The following ENTREP1 variants were observed in gnomAD, a reference collection of about 807,000 sequenced individuals.
ENTREP1 encodes the protein Friedreich ataxia region gene X123.
chr9:69,377,541 T>G, the ENTREP1 span: 2 of 1,610,594 alleles, frequency 1.2e-6, no homozygotes, highest in South Asian at 2.2e-5. Flanking sequence ...CCCCTTCGTG[T>G]CATCCACTGC....
chr9:69,362,767 C>T, the ENTREP1 span, among the ~76,000 whole-genome samples: 16 of 152,056 alleles, frequency 1.1e-4, no homozygotes, highest in African/African-American at 2.9e-4. Context: ...TCGCTGCCAA[C>T]GAATAGAAAG....
At chr9:69,383,754 G>T in the ENTREP1 span, 4 of 1,614,014 alleles carry the variant, frequency 2.5e-6, no homozygotes, top group Non-Finnish European at 2.5e-6. Flanking sequence ...GATGGACCAG[G>T]AGCAGGTACT....
the ENTREP1 span, among the ~76,000 whole-genome samples, chr9:69,362,333 TG>T: frequency 6.6e-6 from 1 of 152,142 alleles, no homozygotes; most frequent in Non-Finnish European, 1.5e-5. Context: ...ATAGGCAAAT[TG>T]AAGGTGATGT....
At chr9:69,391,720 GC>G in the ENTREP1 span, 1 of 1,613,312 alleles carries the variant, frequency 6.2e-7, no homozygotes, top group Admixed American at 1.7e-5. Flanking sequence ...CAGCGGGGAG[GC>G]CCCGAGCCGA....
At chr9:69,376,837 T>G in the ENTREP1 span, among the ~76,000 whole-genome samples, 2 of 152,294 alleles carry the variant, frequency 1.3e-5, no homozygotes, top group East Asian at 3.9e-4. Context: ...GAGATGTGTG[T>G]TTAGTGGAGA....
At chr9:69,358,405 A>G in the ENTREP1 span, among the ~76,000 whole-genome samples, 8 of 152,290 alleles carry the variant, frequency 5.3e-5, no homozygotes, top group Non-Finnish European at 1.0e-4. Flanking sequence ...TCATTTGTTC[A>G]TTGACTGGTT....
At chr9:69,332,266 C>T in the ENTREP1 span, among the ~76,000 whole-genome samples, 16 of 152,260 alleles carry the variant, frequency 1.1e-4, no homozygotes, top group African/African-American at 3.1e-4. Flanking sequence ...GCCTTTGTTG[C>T]GGGGTTCAGG....
the ENTREP1 span, chr9:69,383,054 A>G: frequency 4.1e-6 from 4 of 984,362 alleles, no homozygotes; most frequent in Non-Finnish European, 4.8e-6. Context: ...GGATTTTGCT[A>G]TTATTTTGAA....
chr9:69,324,596 G>T, the ENTREP1 span: 18 of 985,202 alleles, frequency 1.8e-5, no homozygotes, highest in Non-Finnish European at 2.0e-5. Flanking sequence ...CGCTCCTACC[G>T]AGATGCCGGG....
chr9:69,388,158 C>G, the ENTREP1 span: 1 of 1,614,192 alleles, frequency 6.2e-7, no homozygotes, highest in Admixed American at 1.7e-5. Flanking sequence ...CTGCCCACAG[C>G]TGCCCCAGTG....
chr9:69,388,238 T>C, the ENTREP1 span: 1 of 1,614,170 alleles, frequency 6.2e-7, no homozygotes, highest in Non-Finnish European at 8.5e-7. Context: ...GAGGAGAGGC[T>C]TGAGATCTAG....
chr9:69,365,861 T>C, the ENTREP1 span, among the ~76,000 whole-genome samples: 1 of 152,206 alleles, frequency 6.6e-6, no homozygotes, highest in Non-Finnish European at 1.5e-5. Context: ...CAGGATTTCA[T>C]TCTTTTTTAT....
At chr9:69,353,443 CT>C in the ENTREP1 span, among the ~76,000 whole-genome samples, 2 of 152,198 alleles carry the variant, frequency 1.3e-5, no homozygotes, top group African/African-American at 4.8e-5. Flanking sequence ...CTATATTCAA[CT>C]ATTCAAAGTT....
chr9:69,331,740 A>G, the ENTREP1 span, among the ~76,000 whole-genome samples: 2 of 152,154 alleles, frequency 1.3e-5, no homozygotes, highest in Admixed American at 1.3e-4. Context: ...GCCTCCATTC[A>G]TTCATTCACT....
At chr9:69,388,173 G>C in the ENTREP1 span, 1 of 1,614,174 alleles carries the variant, frequency 6.2e-7, no homozygotes, top group Non-Finnish European at 8.5e-7. Context: ...CCAGTGCTCA[G>C]CTGTGAAGCT....
the ENTREP1 span, among the ~76,000 whole-genome samples, chr9:69,356,665 G>A: frequency 3.3e-5 from 5 of 152,168 alleles, no homozygotes; most frequent in Non-Finnish European, 7.3e-5. Context: ...TGTTTACAAC[G>A]AACTTTCTGC....
the ENTREP1 span, among the ~76,000 whole-genome samples, chr9:69,340,599 A>G: frequency 0.034 from 2,999 of 88,150 alleles, 88 homozygotes; most frequent in African/African-American, 0.098. Context: ...GTGTGCATGC[A>G]TGTGTGTGTG....
chr9:69,337,474 T>C, the ENTREP1 span, among the ~76,000 whole-genome samples: 3 of 152,196 alleles, frequency 2.0e-5, no homozygotes, highest in Non-Finnish European at 2.9e-5. Flanking sequence ...TATAGACATA[T>C]ACTGGTGATT....
chr9:69,355,067 C>T, the ENTREP1 span, among the ~76,000 whole-genome samples: 1 of 152,150 alleles, frequency 6.6e-6, no homozygotes, highest in African/African-American at 2.4e-5. Flanking sequence ...AGGATGTTAT[C>T]AAGGTTCACT....
Sources: allele counts gnomAD v4.1 joint callset (sites outside exome capture counted in the v4.1 genomes callset), GRCh38; gene constraint gnomAD v4.1.1; transcripts MANE v1.5; gene names NCBI Gene and HGNC (gene_info 2026-07-23, HGNC 2026-07-21).